Variants in FRMD6 observed in about 807,000 individuals in gnomAD.
The protein encoded by FRMD6 is FERM domain containing 6, also known as FERM domain-containing protein 6.
FRMD6 carries 37 observed loss-of-function variants against 73.2 expected under a neutral mutation model. That is an observed-to-expected ratio of 0.51 (90% CI 0.39 to 0.66). The LOEUF (loss-of-function observed/expected upper bound fraction) is 0.66. FRMD6 is among the 30% of genes least tolerant of loss of function. FRMD6 has a pLI of 0.00. For missense variants in FRMD6, 714 were observed against 780.5 expected (o/e 0.91, Z 1.02); for synonymous variants, 273 against 282.2 (o/e 0.97, Z 0.33).
At chr14:51,449,590 G>T in the FRMD6 span, among the ~76,000 whole-genome samples, 1 of 152,106 alleles carries the variant, frequency 6.6e-6, no homozygotes, top group Non-Finnish European at 1.5e-5. Flanking sequence ...TGAGTATGTT[G>T]GGTGGTATCT....
chr14:51,569,871 A>G (rs572442601), intron 1 of FRMD6, among the ~76,000 whole-genome samples: 51 of 150,490 alleles, frequency 3.4e-4, no homozygotes, highest in African/African-American at 1.1e-3. Flanking sequence ...GCTGGAGTGC[A>G]GTGGCGCGAT....
intron 1 of FRMD6, among the ~76,000 whole-genome samples, chr14:51,685,712 G>C (rs1319280023): frequency 6.6e-6 from 1 of 152,178 alleles, no homozygotes; most frequent in Non-Finnish European, 1.5e-5. Context: ...GCCCATCAGA[G>C]TATGTGTGCT....
upstream of FRMD6, among the ~76,000 whole-genome samples, chr14:51,485,782 T>G (rs1882749373): frequency 6.6e-6 from 1 of 152,366 alleles, no homozygotes; most frequent in South Asian, 2.1e-4. Context: ...TATGTCTTCA[T>G]ATTTTATTTA....
intron 1 of FRMD6, among the ~76,000 whole-genome samples, chr14:51,545,289 C>G (rs1399827577): frequency 6.6e-6 from 1 of 151,952 alleles, no homozygotes; most frequent in African/African-American, 2.4e-5. Flanking sequence ...CAAAAATCTG[C>G]CCCATGATTA....
intron 2 of FRMD6, among the ~76,000 whole-genome samples, chr14:51,631,257 AT>A (rs1891325654): frequency 6.6e-6 from 1 of 152,212 alleles, no homozygotes; most frequent in African/African-American, 2.4e-5. Flanking sequence ...AGCCAGAGCA[AT>A]ATATAGAAGG....
intron 1 of FRMD6, among the ~76,000 whole-genome samples, chr14:51,543,213 C>T (rs1259563502): frequency 6.6e-6 from 1 of 151,910 alleles, no homozygotes; most frequent in African/African-American, 2.4e-5. Context: ...TACCAAGATC[C>T]TATCTGTTGA....
intron 1 of FRMD6, among the ~76,000 whole-genome samples, chr14:51,681,789 C>G (rs1894814820): frequency 6.6e-6 from 1 of 152,110 alleles, no homozygotes; most frequent in African/African-American, 2.4e-5. Context: ...TTCCCCTTAC[C>G]AAATTTATAA....
At chr14:51,690,351 AT>A (rs1390810216) in intron 2 of FRMD6, among the ~76,000 whole-genome samples, 1 of 152,102 alleles carries the variant, frequency 6.6e-6, no homozygotes, top group East Asian at 1.9e-4. Context: ...AAAGACTACA[AT>A]TACTTTTGCA....
At chr14:51,482,078 A>G in the FRMD6 span, among the ~76,000 whole-genome samples, 4 of 152,204 alleles carry the variant, frequency 2.6e-5, no homozygotes, top group African/African-American at 9.6e-5. Context: ...AATGGGGATC[A>G]TTTCATTATA....
the FRMD6 span, among the ~76,000 whole-genome samples, chr14:51,418,199 G>T: frequency 3.9e-5 from 6 of 152,258 alleles, no homozygotes; most frequent in Admixed American, 2.6e-4. Flanking sequence ...TCCATTGCTG[G>T]TGAGGAGCTG....
At chr14:51,722,116 C>T (rs755102062) in intron 12 of FRMD6, 36 bp downstream of exon 12, 1 of 1,610,592 alleles carries the variant, frequency 6.2e-7, no homozygotes, top group South Asian at 1.1e-5. Flanking sequence ...TCCTTGGTAG[C>T]AGGTTATCCA....
intron 2 of FRMD6, among the ~76,000 whole-genome samples, chr14:51,631,609 T>G (rs142005297): frequency 1.3e-5 from 2 of 152,208 alleles, no homozygotes; most frequent in Non-Finnish European, 2.9e-5. Flanking sequence ...ACTTTTTCTC[T>G]TTACCATTGT....
At chr14:51,632,486 T>C (rs1891376368) in intron 2 of FRMD6, among the ~76,000 whole-genome samples, 1 of 152,250 alleles carries the variant, frequency 6.6e-6, no homozygotes, top group Non-Finnish European at 1.5e-5. Context: ...TTGTACCACT[T>C]GAGCTGCTTG....
At chr14:51,591,407 A>C (rs538657593) in intron 2 of FRMD6, among the ~76,000 whole-genome samples, 35 of 152,358 alleles carry the variant, frequency 2.3e-4, no homozygotes, top group African/African-American at 7.5e-4. Context: ...ATTTGCAAAA[A>C]AGATGCTTGC....
chr14:51,686,761 A>AAAG (rs774103095), intron 1 of FRMD6, among the ~76,000 whole-genome samples: 1 of 152,160 alleles, frequency 6.6e-6, no homozygotes, highest in Non-Finnish European at 1.5e-5. Context: ...TTAGGATACA[A>AAAG]AATAAGTAGC....
chr14:51,470,618 T>C, the FRMD6 span, among the ~76,000 whole-genome samples: 10,301 of 152,342 alleles, frequency 0.068, 614 homozygotes, highest in Admixed American at 0.19. Context: ...CTTATTTTTA[T>C]CATTCTCTGA....
chr14:51,619,018 A>C (rs1004578344), intron 2 of FRMD6, among the ~76,000 whole-genome samples: 2 of 151,734 alleles, frequency 1.3e-5, no homozygotes, highest in East Asian at 1.9e-4. Context: ...AAGACAAAAA[A>C]TATAATCAAT....
intron 11 of FRMD6, among the ~76,000 whole-genome samples, chr14:51,721,712 A>AGGG (rs1456492617): frequency 1.3e-3 from 145 of 111,550 alleles, no homozygotes; most frequent in African/African-American, 4.4e-3. Flanking sequence ...GGAAGGAAGG[A>AGGG]AGGAAGGGAG....
chr14:51,564,045 G>A (rs1478593595), intron 1 of FRMD6, among the ~76,000 whole-genome samples: 3 of 152,150 alleles, frequency 2.0e-5, no homozygotes, highest in African/African-American at 7.2e-5. Flanking sequence ...GCTAGGTACT[G>A]ATTTCATTTA....
Sources: allele counts gnomAD v4.1 joint callset (sites outside exome capture counted in the v4.1 genomes callset), GRCh38; gene constraint gnomAD v4.1.1; transcripts MANE v1.5; gene names NCBI Gene and HGNC (gene_info 2026-07-23, HGNC 2026-07-21).